Variants in GLI3 observed in about 807,000 individuals in gnomAD.
The protein encoded by GLI3 is GLI family zinc finger 3, also known as transcription activator GLI3.
A neutral mutation model predicts 100.8 loss-of-function variants in GLI3; 20 were observed. That is an observed-to-expected ratio of 0.20 (90% CI 0.14 to 0.29). GLI3 has a LOEUF of 0.29. Among genes scored for constraint, GLI3 ranks in the 10% least tolerant of loss-of-function variants. The probability of loss-of-function intolerance (pLI) is 1.00; values close to 1 mark genes in which losing one functional copy is unlikely to be tolerated. For synonymous variants in GLI3, 938 were observed against 860.5 expected (o/e 1.09, Z -1.58); for missense variants, 2,040 against 2,128.5 (o/e 0.96, Z 0.82).
chr7:41,964,385 C>T lies in GLI3; in HGVS notation c.4688G>A (p.Ser1563Asn), dbSNP rs143247740. 1 of 1,614,164 alleles carries T rather than the reference C, an allele frequency of 6.2e-7. No individual in the cohort carries two copies. The highest frequency in any genetic ancestry group is 8.5e-7 in the Non-Finnish European group (1 of 1,179,986). Reference protein sequence around the residue: ...STTNMAIGDMSSLLTSLAEES... With the variant: ...STTNMAIGDMNSLLTSLAEES... ...TTCCGCTAGGGAGGTCAGCAAAGAACTCATGTCCCCGATAGCCATGTTGGT... is the reference window on the plus strand; with the variant it reads ...TTCCGCTAGGGAGGTCAGCAAAGAATTCATGTCCCCGATAGCCATGTTGGT... The change falls in exon 15 of 15, where the codon AGT (serine) becomes AAT (asparagine). Residue 1563 changes from serine to asparagine, a missense_variant. Physicochemically the swap from Ser to Asn is conservative, Grantham distance 46. Transcript: ENST00000395925.
At chr7:42,069,661 G>A (rs1784747212) in intron 4 of GLI3, among the ~76,000 whole-genome samples, 1 of 152,182 alleles carries the variant, frequency 6.6e-6, no homozygotes, top group Non-Finnish European at 1.5e-5. Flanking sequence ...AGAGAAAGAA[G>A]TACAGAGTGA....
intron 2 of GLI3, among the ~76,000 whole-genome samples, chr7:42,182,453 A>G (rs1231062772): frequency 2.0e-5 from 3 of 150,856 alleles, no homozygotes; most frequent in Non-Finnish European, 4.4e-5. Flanking sequence ...AAAAATAATA[A>G]TAATAATCCC....
chr7:42,217,685 C>T (rs1788405286), intron 2 of GLI3, among the ~76,000 whole-genome samples: 1 of 152,128 alleles, frequency 6.6e-6, no homozygotes, highest in Non-Finnish European at 1.5e-5. Context: ...TCCATCCCTC[C>T]TTAAGATGTG....
intron 10 of GLI3, among the ~76,000 whole-genome samples, chr7:42,000,176 A>ATG (rs1788246889): frequency 6.6e-6 from 1 of 152,242 alleles, no homozygotes. Context: ...GTGTTTGCTT[A>ATG]TGTATCTACA....
chr7:42,115,283 C>A (rs1285051523), intron 3 of GLI3, among the ~76,000 whole-genome samples: 1 of 151,696 alleles, frequency 6.6e-6, no homozygotes, highest in Non-Finnish European at 1.5e-5. Flanking sequence ...GGACTACAGG[C>A]GCCCTGCCAC....
At chr7:42,197,513 T>C (rs1787950893) in intron 2 of GLI3, among the ~76,000 whole-genome samples, 1 of 152,250 alleles carries the variant, frequency 6.6e-6, no homozygotes, top group African/African-American at 2.4e-5. Context: ...GACCACTGGA[T>C]GGCCTTGGGG....
chr7:42,046,068 C>A (rs1784238501), intron 5 of GLI3, among the ~76,000 whole-genome samples: 1 of 152,302 alleles, frequency 6.6e-6, no homozygotes, highest in Middle Eastern at 3.4e-3. Context: ...ATTTTACATT[C>A]CATAATTTAA....
rs769429189 is a variant in GLI3 at position 41,966,508 on chromosome 7, G to A, written c.2565C>T (p.Ser855=). The change falls in exon 15 of 15, where the codon AGC becomes AGT. Residue 855 remains serine (S), a synonymous_variant. Transcript: ENST00000395925. This position sits in a 1 kb window ranked among gnomAD's most constrained non-coding sequence, Gnocchi z 5.8. ...NRRDSSASTI[S]SAYLSSRRSS... ...AGCGGCGGCTGCTCAGGTAGGCCGA[G>A]CTGATGGTGCTGGCGCTGCTGTCCC... 16 of 1,613,560 alleles carry A rather than the reference G, an allele frequency of 9.9e-6. No individual in the cohort carries two copies. In the African/African-American group the frequency reaches 1.7e-4, roughly 17 times the overall value.
chr7:41,991,074 C>G (rs576055102), intron 10 of GLI3, among the ~76,000 whole-genome samples: 1 of 152,174 alleles, frequency 6.6e-6, no homozygotes, highest in Non-Finnish European at 1.5e-5. Context: ...TATGATATGA[C>G]AGTTACTGTG....
chr7:42,113,895 G>A (rs1231989583), intron 3 of GLI3, among the ~76,000 whole-genome samples: 3 of 152,164 alleles, frequency 2.0e-5, no homozygotes, highest in Admixed American at 2.0e-4. Flanking sequence ...GGGACTCCCT[G>A]ACTTTGATAC....
At chr7:42,189,996 AC>A (rs1426536537) in intron 2 of GLI3, among the ~76,000 whole-genome samples, 1 of 151,428 alleles carries the variant, frequency 6.6e-6, no homozygotes, top group African/African-American at 2.4e-5. Flanking sequence ...ACACACACAC[AC>A]ACACACACAC....
chr7:42,009,480 C>CTT (rs3030324), intron 10 of GLI3, among the ~76,000 whole-genome samples: 1,528 of 118,330 alleles, frequency 0.013, 17 homozygotes, highest in South Asian at 0.025. Flanking sequence ...GCAAATTGTT[C>CTT]TTTTTTTTTT....
chr7:42,166,715 A>T (rs182263304), intron 2 of GLI3, among the ~76,000 whole-genome samples: 48 of 130,740 alleles, frequency 3.7e-4, no homozygotes, highest in African/African-American at 1.4e-3. Flanking sequence ...GCTGGAGTGC[A>T]GTGACACAAT....
intron 4 of GLI3, among the ~76,000 whole-genome samples, chr7:42,055,105 G>A (rs1376350574): frequency 7.2e-6 from 1 of 138,622 alleles, no homozygotes; most frequent in African/African-American, 2.8e-5. Context: ...ACACATATAT[G>A]TATATATACA....
chr7:42,237,673 A>T (rs1366808005), upstream of GLI3: 1 of 149,100 alleles, frequency 6.7e-6, no homozygotes, highest in African/African-American at 2.5e-5. Flanking sequence ...GCCCCCGCCC[A>T]GTCCCTTTTC....
chr7:42,170,166 C>G (rs1787335787), intron 2 of GLI3, among the ~76,000 whole-genome samples: 1 of 149,534 alleles, frequency 6.7e-6, no homozygotes, highest in African/African-American at 2.5e-5. Context: ...GCACGAGAAT[C>G]AGTTGAGCCC....
rs532238095 is a variant in GLI3, at chr7:41,984,145, A to G, written c.1498-5397T>C. Among the ~76,000 whole-genome samples the G allele has an allele frequency of 1.2e-4, 19 of 152,280 alleles. No homozygotes were observed. The South Asian group carries it at 3.9e-3, about 32-fold the overall frequency. ...GTCCACCAAGGAGGCTTGGAGAGCT[A>G]CAGGAAGAAATGGGAAAGTGAAGCT... On this transcript the variant is annotated intron_variant, in intron 10 of 14. Coordinates refer to ENST00000395925, the MANE Select transcript of GLI3 (RefSeq NM_000168.6).
chr7:42,097,119 A>G (rs1245310520), intron 3 of GLI3, among the ~76,000 whole-genome samples: 1 of 152,226 alleles, frequency 6.6e-6, no homozygotes, highest in Non-Finnish European at 1.5e-5. Flanking sequence ...AGATAGAAGG[A>G]GTTAACAGGC....
intron 3 of GLI3, among the ~76,000 whole-genome samples, chr7:42,088,493 C>T (rs1014663831): frequency 6.6e-6 from 1 of 152,212 alleles, no homozygotes; most frequent in Non-Finnish European, 1.5e-5. Flanking sequence ...CAGACTATCT[C>T]TGACCGTCCA....
Sources: gnomAD v4.1 joint callset for allele counts (sites outside exome capture counted in the v4.1 genomes callset) on GRCh38, gnomAD v4.1.1 for gene constraint, Gnocchi (gnomAD v3.1) non-coding constraint, MANE v1.5 for transcripts, NCBI Gene and HGNC (gene_info 2026-07-23, HGNC 2026-07-21) for gene names.